Variants in CSMD3 observed in about 807,000 individuals in gnomAD.
CSMD3 encodes CUB and sushi domain-containing protein 3.
In CSMD3, 177 loss-of-function variants were observed where a neutral mutation model predicts 435.2. The observed-to-expected ratio is 0.41, with a 90% CI of 0.36 to 0.46. The LOEUF is 0.46. Ranked by LOEUF, CSMD3 falls within the 20% of genes least tolerant of loss-of-function variation. The pLI is 0.34. For synonymous variants in CSMD3, 1,656 were observed against 1,520.5 expected, an observed-to-expected ratio of 1.09 and a Z score of -2.07; for missense variants, 4,265 against 4,504.6, an observed-to-expected ratio of 0.95 and a Z score of 1.52.
rs968636423 is a variant in CSMD3 at position 112,267,084 on chromosome 8, T to C, written c.9509-1494A>G. Among the ~76,000 whole-genome samples the C allele has an allele frequency of 5.3e-5, 8 of 152,278 alleles. No homozygotes were observed. The East Asian group carries it at 1.3e-3, about 26-fold the overall frequency. ...TATTTTGGAGATTCAGGATTAAAGA[T>C]TAAGAATGAATTAAGGCATGGAAGA... On this transcript the variant is annotated intron_variant, in intron 59 of 70. Transcript: ENST00000297405.
intron 13 of CSMD3, among the ~76,000 whole-genome samples, chr8:112,778,367 A>G (rs904181871): frequency 2.6e-5 from 4 of 151,876 alleles, no homozygotes; most frequent in African/African-American, 9.7e-5. Context: ...GCTCTGCTTA[A>G]TCTCTCTCGC....
intron 1 of CSMD3, among the ~76,000 whole-genome samples, chr8:113,409,061 T>TC (rs2094546016): frequency 1.3e-5 from 2 of 149,872 alleles, no homozygotes; most frequent in South Asian, 4.2e-4. Flanking sequence ...AATAAGACTT[T>TC]TTCTTCTTCT....
intron 13 of CSMD3, among the ~76,000 whole-genome samples, chr8:112,698,473 A>G (rs1040018699): frequency 6.6e-6 from 1 of 152,060 alleles, no homozygotes; most frequent in South Asian, 2.1e-4. Context: ...TGGTTTCTAC[A>G]TACCATTCTT....
At chr8:112,318,584 T>C (rs1822695417) in intron 47 of CSMD3, among the ~76,000 whole-genome samples, 1 of 151,974 alleles carries the variant, frequency 6.6e-6, no homozygotes, top group African/African-American at 2.4e-5. Context: ...AGCAAAATAA[T>C]TGAAGTAAGT....
At chr8:113,350,409 A>G (rs1376030891) in intron 1 of CSMD3, among the ~76,000 whole-genome samples, 1 of 152,140 alleles carries the variant, frequency 6.6e-6, no homozygotes, top group Non-Finnish European at 1.5e-5. Flanking sequence ...AATCGTGGTA[A>G]GAACTGTTAT....
intron 13 of CSMD3, among the ~76,000 whole-genome samples, chr8:112,722,984 G>A (rs1304864771): frequency 6.6e-6 from 1 of 151,402 alleles, no homozygotes; most frequent in Non-Finnish European, 1.5e-5. Context: ...ATCTTTAGAT[G>A]ACATATTTTT....
chr8:113,227,035 T>C (rs2132164517), intron 3 of CSMD3, among the ~76,000 whole-genome samples: 1 of 151,730 alleles, frequency 6.6e-6, no homozygotes, highest in Middle Eastern at 3.4e-3. Flanking sequence ...AATGGAAATA[T>C]AGTACAGATT....
At chr8:112,977,757 A>C in intron 6 of CSMD3, among the ~76,000 whole-genome samples, 1 of 152,130 alleles carries the variant, frequency 6.6e-6, no homozygotes, top group Non-Finnish European at 1.5e-5. Context: ...TTTAAGCATG[A>C]ATCAGATAGC....
In CSMD3 at chr8:113,244,152, T is replaced by C. The variant is rs546046057; in HGVS notation, c.514+34440A>G. 3.4e-3 allele frequency among the ~76,000 whole-genome samples: 525 copies of C among 152,306 alleles called. 3 individuals carry two copies. Among genetic ancestry groups the C allele is most frequent in the Non-Finnish European group, 4.6e-3 (316 of 68,018 alleles). On this transcript the variant is annotated intron_variant, in intron 3 of 70. Transcript: ENST00000297405. ...GTATTCTTTGTAGCACAAATGTTTT[T>C]AACTCTGATGAAATTCAAATTTCAA... is the stretch of plus-strand genomic sequence containing the variant.
chr8:113,354,069 G>C (rs1454278381), intron 1 of CSMD3, among the ~76,000 whole-genome samples: 1 of 151,978 alleles, frequency 6.6e-6, no homozygotes, highest in African/African-American at 2.4e-5. Context: ...TTTGCACTTA[G>C]GTGAATCACC....
chr8:113,386,963 A>G (rs1406709822), intron 1 of CSMD3, among the ~76,000 whole-genome samples: 1 of 151,864 alleles, frequency 6.6e-6, no homozygotes, highest in Non-Finnish European at 1.5e-5. Flanking sequence ...AAGCATATAC[A>G]TTATAAAGCA....
chr8:113,334,110 G>T (rs972064441), intron 1 of CSMD3, among the ~76,000 whole-genome samples: 47 of 151,810 alleles, frequency 3.1e-4, no homozygotes, highest in African/African-American at 1.1e-3. Flanking sequence ...TATTTGCTTT[G>T]TATCTGTAAC....
At chr8:113,342,017 A>G (rs557065615) in intron 1 of CSMD3, among the ~76,000 whole-genome samples, 1 of 152,198 alleles carries the variant, frequency 6.6e-6, no homozygotes, top group South Asian at 2.1e-4. Flanking sequence ...TATTTTCCAT[A>G]ATAAGGAAAT....
chr8:113,315,925 G>T (rs920641121), intron 1 of CSMD3, among the ~76,000 whole-genome samples: 10 of 151,770 alleles, frequency 6.6e-5, no homozygotes, highest in African/African-American at 2.2e-4. Flanking sequence ...CACCATGCTG[G>T]CCAGGCTGCT....
chr8:112,914,961 T>A (rs762364643), intron 10 of CSMD3, among the ~76,000 whole-genome samples: 6 of 151,882 alleles, frequency 4.0e-5, no homozygotes, highest in Non-Finnish European at 7.4e-5. Flanking sequence ...TGATCAGAAT[T>A]AGTGGAAAGG....
chr8:113,266,171 C>A (rs541073388), intron 3 of CSMD3, among the ~76,000 whole-genome samples: 2 of 134,068 alleles, frequency 1.5e-5, no homozygotes, highest in South Asian at 2.5e-4. Flanking sequence ...TTGAAAATAA[C>A]CCCTAAACTT....
At chr8:112,320,344 C>T (rs1188872302) in intron 45 of CSMD3, among the ~76,000 whole-genome samples, 1 of 152,092 alleles carries the variant, frequency 6.6e-6, no homozygotes, top group Non-Finnish European at 1.5e-5. Flanking sequence ...GAATGCCCTG[C>T]ACTTAGCAAA....
At chr8:112,388,578 T>C (rs540351817) in intron 36 of CSMD3, among the ~76,000 whole-genome samples, 1 of 152,102 alleles carries the variant, frequency 6.6e-6, no homozygotes, top group Non-Finnish European at 1.5e-5. Flanking sequence ...AGTTCTATAG[T>C]TTTGAGAAAA....
rs1020000731 is a variant in CSMD3 at position 112,550,395 on chromosome 8, A to AT, written c.4564+275dup. ...CCAGATTATAAGCTTTTGTGATGTA[A>AT]TTTTTTTTTTAGCTGAGTAATTTAA... is the stretch of plus-strand genomic sequence containing the variant. On this transcript the variant is annotated intron_variant, in intron 27 of 70. Coordinates refer to ENST00000297405, the MANE Select transcript of CSMD3 (RefSeq NM_198123.2). Among the ~76,000 whole-genome samples the AT allele has an allele frequency of 4.3e-3, 643 of 148,958 alleles. 4 individuals carry two copies. The highest frequency in any genetic ancestry group is 0.013 in the African/African-American group (538 of 40,770).
Sources: allele counts gnomAD v4.1 joint callset (sites outside exome capture counted in the v4.1 genomes callset), GRCh38; gene constraint gnomAD v4.1.1; transcripts MANE v1.5; gene names NCBI Gene and HGNC (gene_info 2026-07-23, HGNC 2026-07-21).